The following ERAP2 variants were observed in gnomAD, a reference collection of about 807,000 sequenced individuals.
ERAP2 encodes the protein endoplasmic reticulum aminopeptidase 2, also known as leukocyte-derived arginine aminopeptidase.
ERAP2 carries 118 observed loss-of-function variants against 111.1 expected under a neutral mutation model. The observed-to-expected ratio is 1.06, with a 90% confidence interval of 0.92 to 1.24. ERAP2 has a LOEUF of 1.24. ERAP2 is among the 50% of genes most tolerant of loss of function. The pLI is 0.00. For synonymous variants in ERAP2, 410 were observed against 401.2 expected (o/e 1.02, Z -0.26); for missense variants, 1,131 against 1,125.8 (o/e 1.00, Z -0.07).
At chr5:96,906,204 CCCT>C (rs911529520) in intron 13 of ERAP2, among the ~76,000 whole-genome samples, 52 of 151,696 alleles carry the variant, frequency 3.4e-4, no homozygotes, top group African/African-American at 1.1e-3. Context: ...TTCTTCCTCC[CCCT>C]CCTCCTCCTC....
intron 4 of ERAP2, among the ~76,000 whole-genome samples, chr5:96,887,020 G>C (rs1466722264): frequency 1.4e-5 from 2 of 144,434 alleles, no homozygotes; most frequent in East Asian, 4.1e-4. Flanking sequence ...AGCATATATG[G>C]GTGTACATAG....
At chr5:96,913,575 G>T in intron 17 of ERAP2, 118 bp downstream of exon 17, 1 of 1,207,950 alleles carries the variant, frequency 8.3e-7, no homozygotes, top group Admixed American at 2.2e-5. Flanking sequence ...TATCCAAATA[G>T]TTCAGTGGAG....
chr5:96,909,062 C>A lies in ERAP2; in HGVS notation c.2114C>A (p.Ser705Ter), dbSNP rs754839003. The change falls in exon 14 of 19, where the codon TCG (serine) becomes TAG (stop). Residue 705 changes from serine to a stop codon, truncating the protein, a stop_gained. Transcript: ENST00000437043. LOFTEE classifies it high-confidence loss of function. ...CTCGAAGGTCTGAGTTACTTGGAAT[C>A]GTTTTACCACATGATGGACAGAAGG... ...ALLEGLSYLE[S>*]FYHMMDRRNI... 2 of 1,614,108 alleles carry A rather than the reference C, an allele frequency of 1.2e-6. No individual in the cohort carries two copies. The highest frequency in any genetic ancestry group is 1.7e-6 in the Non-Finnish European group (2 of 1,179,988).
At chr5:96,889,857 C>T (rs1784153104) in intron 5 of ERAP2, among the ~76,000 whole-genome samples, 1 of 151,422 alleles carries the variant, frequency 6.6e-6, no homozygotes, top group South Asian at 2.1e-4. Flanking sequence ...CACACACACA[C>T]ACACACGCAT....
chr5:96,901,819 T>A (rs1785503065), intron 11 of ERAP2, 138 bp downstream of exon 11: 1 of 846,840 alleles, frequency 1.2e-6, no homozygotes, highest in African/African-American at 1.7e-5. Flanking sequence ...GTAGACTTGA[T>A]AAGATTTAAA....
At chr5:96,912,875 C>A in intron 16 of ERAP2, 77 bp downstream of exon 16, 2 of 1,235,366 alleles carry the variant, frequency 1.6e-6, no homozygotes, top group South Asian at 1.4e-5. Context: ...CTTCAGCCAC[C>A]AGTTTTAAAG....
At chr5:96,901,776 A>C in intron 11 of ERAP2, 95 bp downstream of exon 11, 2 of 1,255,392 alleles carry the variant, frequency 1.6e-6, no homozygotes, top group Non-Finnish European at 2.2e-6. Flanking sequence ...ACTTTGTAGG[A>C]TGCTAGTTCC....
chr5:96,880,778 C>T (rs1400732634), intron 2 of ERAP2, among the ~76,000 whole-genome samples: 2 of 152,190 alleles, frequency 1.3e-5, no homozygotes, highest in African/African-American at 4.8e-5. Flanking sequence ...ATGTGCCAGG[C>T]ACTGCACTAG....
At chr5:96,890,992 A>G (rs1197248327) in intron 5 of ERAP2, among the ~76,000 whole-genome samples, 2 of 152,194 alleles carry the variant, frequency 1.3e-5, no homozygotes, top group East Asian at 1.9e-4. Context: ...AATAGAGCAG[A>G]TATAAGTCCC....
Position 96,917,712 on chromosome 5 carries a change from C to T in ERAP2, c.*107C>T. On this transcript the variant is annotated 3_prime_UTR_variant, in exon 19 of 19. Transcript: ENST00000437043. Reference sequence around the variant, plus strand: ...ACGAGGTCAGGAGATGGAGACCATCCTGGCTAACACGGTGAGACCCCGTCT... The same window carrying T: ...ACGAGGTCAGGAGATGGAGACCATCTTGGCTAACACGGTGAGACCCCGTCT... The T allele has an allele frequency of 1.2e-6, 1 of 828,726 alleles. No homozygotes were observed. Among genetic ancestry groups the T allele is most frequent in the Non-Finnish European group, 1.8e-6 (1 of 566,278 alleles). 51.3% of individuals were successfully genotyped at this position (828,726 alleles called of 1,614,324 possible).
At chr5:96,898,015 G>A (rs562733686) in intron 9 of ERAP2, among the ~76,000 whole-genome samples, 13 of 152,234 alleles carry the variant, frequency 8.5e-5, no homozygotes, top group Non-Finnish European at 1.2e-4. Flanking sequence ...TGGCCAATTC[G>A]TGGAACCCCG....
Position 96,902,351 on chromosome 5 carries a change from C to T in ERAP2, c.1826C>T (p.Thr609Ile). ...VIHRHILKSK[T>I]DTLDLPEKTS... is the part of the protein sequence containing the mutation. ...CACAGACACATTCTAAAATCAAAGA[C>T]AGGTAATGAACTAATTAGCCAAACA... is the stretch of plus-strand genomic sequence containing the variant. The change falls in exon 12 of 19, where the codon ACA becomes ATA. Residue 609 changes from threonine (T) to isoleucine (I), a missense_variant and splice_region_variant. By Grantham distance (89) the Thr-to-Ile change is moderately conservative (BLOSUM62 -1). Coordinates refer to ENST00000437043, the MANE Select transcript of ERAP2 (RefSeq NM_022350.5). 1 of 1,604,024 alleles carries T rather than the reference C, an allele frequency of 6.2e-7. No individual in the cohort carries two copies.
At chr5:96,913,058 T>C (rs1398956853) in intron 16 of ERAP2, among the ~76,000 whole-genome samples, 2 of 152,214 alleles carry the variant, frequency 1.3e-5, no homozygotes, top group Non-Finnish European at 2.9e-5. Flanking sequence ...ATTATTGTTG[T>C]AAAAATACAT....
intron 1 of ERAP2, among the ~76,000 whole-genome samples, chr5:96,879,343 C>T (rs932228638): frequency 6.6e-6 from 1 of 152,186 alleles, no homozygotes; most frequent in Non-Finnish European, 1.5e-5. Context: ...AAATTCATTA[C>T]ATTCAATTTT....
At chr5:96,889,478 A>C (rs1463278612) in intron 5 of ERAP2, 173 bp downstream of exon 5, 3 of 764,200 alleles carry the variant, frequency 3.9e-6, no homozygotes, top group Non-Finnish European at 6.9e-6. Context: ...TAAAATATTT[A>C]TGACATGCCC....
In ERAP2 at chr5:96,883,858, G is replaced by A. The variant is rs377453003; in HGVS notation, c.642G>A (p.Pro214=). Residue 214 remains proline (P), a synonymous_variant, in exon 3 of 19, where the codon CCG becomes CCA. Coordinates refer to ENST00000437043, the MANE Select transcript of ERAP2 (RefSeq NM_022350.5). ...ARMAFPCFDE[P]LFKANFSIKI... Reference sequence around the variant, plus strand: ...TGGCTTTCCCTTGCTTTGATGAACCGTTGTTCAAAGCCAACTTTTCAATCA... The same window carrying A: ...TGGCTTTCCCTTGCTTTGATGAACCATTGTTCAAAGCCAACTTTTCAATCA... 1.5e-4 allele frequency: 239 copies of A among 1,613,822 alleles called. No individual in the cohort carries two copies. Among genetic ancestry groups the A allele is most frequent in the Non-Finnish European group, 1.9e-4 (226 of 1,179,868 alleles).
intron 13 of ERAP2, among the ~76,000 whole-genome samples, chr5:96,906,964 G>T (rs1267831299): frequency 6.6e-6 from 1 of 152,176 alleles, no homozygotes; most frequent in Non-Finnish European, 1.5e-5. Flanking sequence ...GGAGGCAGAG[G>T]TTGCAGTGAG....
At chr5:96,902,817 C>A (rs1785617154) in intron 12 of ERAP2, 1 of 155,696 alleles carries the variant, frequency 6.4e-6, no homozygotes, top group South Asian at 2.0e-4. Context: ...CTAAACCTCA[C>A]AGAGTTGTTG....
At chr5:96,886,329 T>C (rs1783707339) in intron 3 of ERAP2, among the ~76,000 whole-genome samples, 1 of 152,262 alleles carries the variant, frequency 6.6e-6, no homozygotes, top group Non-Finnish European at 1.5e-5. Context: ...GAAGTTGAAT[T>C]GATGCCAGTG....
Sources: allele counts gnomAD v4.1 joint callset (sites outside exome capture counted in the v4.1 genomes callset), GRCh38; gene constraint gnomAD v4.1.1; transcripts MANE v1.5; gene names NCBI Gene and HGNC (gene_info 2026-07-23, HGNC 2026-07-21).